Variants in RBMS3 observed in about 807,000 individuals in gnomAD.
RBMS3 encodes RNA binding motif single stranded interacting protein 3, also known as RNA-binding motif, single-stranded-interacting protein 3.
RBMS3 carries 27 observed loss-of-function variants against 66.8 expected under a neutral mutation model. The ratio of observed to expected loss-of-function variants is 0.40; its 90% confidence interval spans 0.30 to 0.56. RBMS3 has a LOEUF of 0.56. Among genes scored for constraint, RBMS3 ranks in the 20% least tolerant of loss-of-function variants. The pLI is 0.40. For synonymous variants in RBMS3, 188 were observed against 183.0 expected (o/e 1.03, Z -0.22); for missense variants, 513 against 549.5 (o/e 0.93, Z 0.66).
chr3:29,324,461 C>G lies in RBMS3; in HGVS notation c.75+42705C>G, dbSNP rs535479920. Among the ~76,000 whole-genome samples the G allele has an allele frequency of 3.3e-5, 5 of 152,330 alleles. No individual in the cohort carries two copies. The South Asian group carries it at 1.0e-3, about 32-fold the overall frequency. ...ATTGGTTCTCTTTCAAAACACGTGG[C>G]CTCCGCCTGGATGACTGGCTTGCTA... is the stretch of plus-strand genomic sequence containing the variant. On this transcript the variant is annotated intron_variant, in intron 1 of 14. Coordinates refer to ENST00000383767, the MANE Select transcript of RBMS3 (RefSeq NM_001003793.3).
intron 4 of RBMS3, among the ~76,000 whole-genome samples, chr3:29,691,501 A>C (rs1254511338): frequency 6.6e-6 from 1 of 152,218 alleles, no homozygotes; most frequent in Non-Finnish European, 1.5e-5. Flanking sequence ...CAACATCAAT[A>C]AAGTGGTTCT....
chr3:29,713,669 T>C (rs1325586335), intron 4 of RBMS3, among the ~76,000 whole-genome samples: 2 of 152,232 alleles, frequency 1.3e-5, no homozygotes, highest in East Asian at 3.9e-4. Context: ...TATACTTTAA[T>C]GCATTCTCAT....
At chr3:29,903,404 G>A (rs1157319235) in intron 10 of RBMS3, among the ~76,000 whole-genome samples, 1 of 151,856 alleles carries the variant, frequency 6.6e-6, no homozygotes, top group Non-Finnish European at 1.5e-5. Flanking sequence ...CAATGTAGTT[G>A]GTTATTTGCT....
chr3:29,641,550 T>C lies in RBMS3; in HGVS notation c.399+54345T>C, dbSNP rs1386414644. On this transcript the variant is annotated intron_variant, in intron 4 of 14. Coordinates refer to ENST00000383767, the MANE Select transcript of RBMS3 (RefSeq NM_001003793.3). Reference sequence around the variant, plus strand: ...TTGTGCCAATTATTACTTTTAGTAGTATATCAAATACTTTTTAAACAATAG... The same window carrying C: ...TTGTGCCAATTATTACTTTTAGTAGCATATCAAATACTTTTTAAACAATAG... 2.0e-5 allele frequency among the ~76,000 whole-genome samples: 3 copies of C among 152,230 alleles called. No individual in the cohort carries two copies. In the East Asian group the frequency reaches 5.8e-4, roughly 29 times the overall value.
intron 12 of RBMS3, among the ~76,000 whole-genome samples, chr3:29,979,844 G>C: frequency 6.6e-6 from 1 of 151,908 alleles, no homozygotes. Context: ...ATTGAAGGGC[G>C]TTTGGGTTGG....
At chr3:29,926,787 C>T (rs6798671) in intron 10 of RBMS3, 26,079 of 152,012 alleles carry the variant, frequency 0.17, 2,449 homozygotes, top group East Asian at 0.23. Flanking sequence ...GTACTGCATC[C>T]GATGTGTGCT....
intron 6 of RBMS3, among the ~76,000 whole-genome samples, chr3:29,846,449 A>G (rs9829759): frequency 0.015 from 2,244 of 152,252 alleles, 47 homozygotes; most frequent in African/African-American, 0.05. Context: ...ATGGGATATC[A>G]AGAGACATAC....
chr3:29,586,903 G>A (rs2047537475), intron 3 of RBMS3, among the ~76,000 whole-genome samples: 1 of 152,044 alleles, frequency 6.6e-6, no homozygotes, highest in African/African-American at 2.4e-5. Context: ...ACAATGGCTA[G>A]AAAATAAGAG....
chr3:29,478,108 C>T (rs1286894977), intron 2 of RBMS3, among the ~76,000 whole-genome samples: 1 of 152,104 alleles, frequency 6.6e-6, no homozygotes, highest in African/African-American at 2.4e-5. Context: ...AACTAAGTGA[C>T]CCATGCCAGG....
At chr3:29,393,961 T>A (rs1055969216) in intron 1 of RBMS3, among the ~76,000 whole-genome samples, 4 of 152,120 alleles carry the variant, frequency 2.6e-5, no homozygotes, top group Non-Finnish European at 4.4e-5. Flanking sequence ...ACTGATGAGG[T>A]TCCATGTCCC....
At chr3:29,938,659 CTA>C (rs1435795637) in intron 11 of RBMS3, among the ~76,000 whole-genome samples, 1 of 151,858 alleles carries the variant, frequency 6.6e-6, no homozygotes, top group Non-Finnish European at 1.5e-5. Flanking sequence ...TTTGGAGTGA[CTA>C]TTATCCAGTT....
chr3:29,842,170 A>T (rs984291597), intron 6 of RBMS3, among the ~76,000 whole-genome samples: 5 of 152,134 alleles, frequency 3.3e-5, no homozygotes, highest in African/African-American at 1.2e-4. Flanking sequence ...ATTATTTTGA[A>T]GTTGCTGTTT....
At chr3:29,957,862 AT>A (rs1202996289) in intron 12 of RBMS3, among the ~76,000 whole-genome samples, 1 of 152,032 alleles carries the variant, frequency 6.6e-6, no homozygotes, top group African/African-American at 2.4e-5. Flanking sequence ...TCTTTGCTTT[AT>A]TTTTATTTTT....
chr3:29,805,768 A>T (rs1021815355), intron 6 of RBMS3, among the ~76,000 whole-genome samples: 9 of 152,082 alleles, frequency 5.9e-5, no homozygotes, highest in Non-Finnish European at 1.3e-4. Flanking sequence ...GTCAAAATTT[A>T]AAAAGATTAA....
rs551071402 is a variant in RBMS3 at position 29,612,550 on chromosome 3, A to G, written c.399+25345A>G. ...TGGGTCTAAGGGAATATGCCTTTAC[A>G]TTATTGGTGGTTAATGACAAACATT... On this transcript the variant is annotated intron_variant, in intron 4 of 14. Transcript: ENST00000383767. Among the ~76,000 whole-genome samples, 4 of 152,168 alleles carry G rather than the reference A, an allele frequency of 2.6e-5. No homozygotes were observed. In the South Asian group the frequency reaches 6.2e-4, roughly 24 times the overall value.
intron 4 of RBMS3, among the ~76,000 whole-genome samples, chr3:29,670,437 C>T (rs1044977263): frequency 1.3e-5 from 2 of 152,076 alleles, no homozygotes; most frequent in Admixed American, 1.3e-4. Flanking sequence ...GAGTGTGAGC[C>T]GAAGCAGGGC....
intron 10 of RBMS3, among the ~76,000 whole-genome samples, chr3:29,902,594 G>A (rs373107446): frequency 2.0e-5 from 3 of 151,626 alleles, no homozygotes; most frequent in Non-Finnish European, 2.9e-5. Context: ...TCAGTAACTG[G>A]AGACTACCTT....
At chr3:29,583,519 G>A (rs866751242) in intron 3 of RBMS3, among the ~76,000 whole-genome samples, 1 of 152,184 alleles carries the variant, frequency 6.6e-6, no homozygotes, top group South Asian at 2.1e-4. Context: ...TTAAGCATAG[G>A]CTAGATGTTA....
chr3:29,592,829 TA>T lies in RBMS3; in HGVS notation c.399+5630del, dbSNP rs566542621. ...TACACCATGGAATACTATGCAGCCA[TA>T]AAAAAGGATGAGTTCATGTCCTTTG... On this transcript the variant is annotated intron_variant, in intron 4 of 14. Coordinates refer to ENST00000383767, the MANE Select transcript of RBMS3 (RefSeq NM_001003793.3). Among the ~76,000 whole-genome samples the T allele has an allele frequency of 5.7e-3, 863 of 151,628 alleles. 1 individual carries two copies. Among genetic ancestry groups the T allele is most frequent in the Non-Finnish European group, 9.2e-3 (622 of 67,886 alleles).
Sources: gnomAD v4.1 joint callset for allele counts (sites outside exome capture counted in the v4.1 genomes callset) on GRCh38, gnomAD v4.1.1 for gene constraint, MANE v1.5 for transcripts, NCBI Gene and HGNC (gene_info 2026-07-23, HGNC 2026-07-21) for gene names.